The following AHI1 variants were observed in gnomAD, a reference collection of about 807,000 sequenced individuals.
The protein encoded by AHI1 is jouberin.
Under a neutral mutation model 149.3 loss-of-function variants are expected in AHI1, and 123 were observed. The ratio of observed to expected loss-of-function variants is 0.82; its 90% CI spans 0.71 to 0.96. The LOEUF is 0.96. Ranked by LOEUF, AHI1 falls within the 40% of genes least tolerant of loss-of-function variation. The pLI, the probability that AHI1 is intolerant of heterozygous loss-of-function variation, is 0.00. For missense variants in AHI1, 1,439 were observed against 1,422.7 expected, an observed-to-expected ratio of 1.01 and a Z score of -0.18; for synonymous variants, 475 against 459.8, an observed-to-expected ratio of 1.03 and a Z score of -0.42.
At chr6:135,465,652 A>G (rs752548456) in intron 7 of AHI1, among the ~76,000 whole-genome samples, 162 bp downstream of exon 7, 18 of 152,212 alleles carry the variant, frequency 1.2e-4, no homozygotes, top group Non-Finnish European at 2.2e-4. Flanking sequence ...CACCTAGTAC[A>G]TAGTAAGGTG....
intron 27 of AHI1, among the ~76,000 whole-genome samples, chr6:135,292,456 C>G (rs746446574): frequency 3.3e-5 from 5 of 152,152 alleles, no homozygotes; most frequent in Admixed American, 6.5e-5. Context: ...GTAGGAGGAA[C>G]CACATTTACC....
chr6:135,453,170 A>G (rs1179732461), intron 11 of AHI1, among the ~76,000 whole-genome samples, 171 bp downstream of exon 11: 4 of 152,206 alleles, frequency 2.6e-5, no homozygotes, highest in African/African-American at 9.6e-5. Context: ...CCATCAATAA[A>G]TATTTAAGAA....
chr6:135,322,010 C>T (rs896733889), intron 25 of AHI1, among the ~76,000 whole-genome samples: 3 of 152,174 alleles, frequency 2.0e-5, no homozygotes, highest in African/African-American at 7.2e-5. Context: ...GCCATGTTGG[C>T]CAGGCTGGTC....
At chr6:135,454,298 T>G (rs901261583) in intron 10 of AHI1, among the ~76,000 whole-genome samples, 3 of 152,138 alleles carry the variant, frequency 2.0e-5, no homozygotes, top group African/African-American at 7.2e-5. Context: ...ATTTCACAAA[T>G]TATTTTCATA....
intron 5 of AHI1, chr6:135,474,372 A>G (rs1024596639): frequency 8.6e-5 from 13 of 150,808 alleles, no homozygotes; most frequent in African/African-American, 3.1e-4. Flanking sequence ...TTGTGAATAC[A>G]CACAGTGACT....
chr6:135,474,776 C>A (rs1349817855), intron 5 of AHI1, among the ~76,000 whole-genome samples: 1 of 152,138 alleles, frequency 6.6e-6, no homozygotes, highest in Non-Finnish European at 1.5e-5. Flanking sequence ...TAAACTCCAG[C>A]TAGACATGGG....
Position 135,457,674 on chromosome 6 carries a change from T to C in AHI1, c.971A>G (p.His324Arg), listed in dbSNP as rs1789192683. The C allele has an allele frequency of 4.3e-6, 7 of 1,613,932 alleles. No individual in the cohort carries two copies. Among genetic ancestry groups the C allele is most frequent in the Middle Eastern group, 1.6e-4 (1 of 6,062 alleles). ...CGGGCTATCTCGGCTTGTTATTTCA[T>C]GAACACCATCACCATCAACATCTTC... is the stretch of plus-strand genomic sequence containing the variant. The part of the protein sequence containing the change: ...NNEDVDGDGV[H>R]EITSRDSPVY... The change falls in exon 9 of 29, where the codon CAT (histidine) becomes CGT (arginine). Residue 324 changes from histidine (H) to arginine (R), a missense_variant. By Grantham distance (29) the His-to-Arg change is conservative (BLOSUM62 0). Coordinates refer to ENST00000265602, the MANE Select transcript of AHI1 (RefSeq NM_001134831.2).
chr6:135,425,326 T>C (rs1783774962), intron 20 of AHI1, among the ~76,000 whole-genome samples: 1 of 151,960 alleles, frequency 6.6e-6, no homozygotes, highest in African/African-American at 2.4e-5. Context: ...TATGCATTTA[T>C]ATTCTAATAA....
intron 23 of AHI1, among the ~76,000 whole-genome samples, chr6:135,384,793 T>C (rs1264745401): frequency 6.6e-6 from 1 of 152,110 alleles, no homozygotes; most frequent in Non-Finnish European, 1.5e-5. Context: ...GATGTGGTTT[T>C]TAAAATGTAA....
Position 135,358,154 on chromosome 6 carries a change from T to C in AHI1, c.3143A>G (p.His1048Arg), listed in dbSNP as rs770568902. The change falls in exon 24 of 29, where the codon CAT becomes CGT. Residue 1048 changes from histidine (H) to arginine (R), a missense_variant. By Grantham distance (29) the His-to-Arg change is conservative. Transcript: ENST00000265602. Reference protein sequence around the residue: ...IISIERKPCNHQVDTAPTVVA... With the variant: ...IISIERKPCNRQVDTAPTVVA... ...TACCGTTGGTGCTGTATCTACCTGA[T>C]GGTTACAAGGCTTTCTTTCTATGCT... 6.2e-7 allele frequency: 1 copy of C among 1,613,340 alleles called. No individual in the cohort carries two copies. The highest frequency in any genetic ancestry group is 8.5e-7 in the Non-Finnish European group (1 of 1,179,578).
At chr6:135,494,637 T>C (rs1010688761) in intron 3 of AHI1, among the ~76,000 whole-genome samples, 5 of 152,198 alleles carry the variant, frequency 3.3e-5, no homozygotes, top group Non-Finnish European at 7.3e-5. Context: ...CTGTCACGTG[T>C]GTGTGTGTTT....
intron 23 of AHI1, 95 bp from the exon 24 acceptor site, chr6:135,358,282 T>G (rs1793305043): frequency 1.9e-6 from 2 of 1,057,516 alleles, no homozygotes; most frequent in African/African-American, 3.2e-5. Context: ...ACATTTATTA[T>G]GACTCACACA....
chr6:135,439,725 G>A lies in AHI1; in HGVS notation c.1913-1227C>T, dbSNP rs534634145. On this transcript the variant is annotated intron_variant, in intron 14 of 28. Transcript: ENST00000265602. ...TAGTGCATGGTAAGTGTTTTGTTAA[G>A]ATGGAAAAGATATAAATCTGTGGGT... is the stretch of plus-strand genomic sequence containing the variant. Among the ~76,000 whole-genome samples, 10 of 152,288 alleles carry A rather than the reference G, an allele frequency of 6.6e-5. 1 individual carries two copies. In the East Asian group the frequency reaches 9.7e-4, roughly 15 times the overall value.
At chr6:135,325,496 T>C (rs1390133391) in intron 24 of AHI1, among the ~76,000 whole-genome samples, 1 of 152,240 alleles carries the variant, frequency 6.6e-6, no homozygotes, top group Non-Finnish European at 1.5e-5. Context: ...GATACCATGC[T>C]AGCTGTTTAG....
At chr6:135,327,114 C>T (rs1291682149) in intron 24 of AHI1, among the ~76,000 whole-genome samples, 6 of 152,172 alleles carry the variant, frequency 3.9e-5, no homozygotes, top group Non-Finnish European at 5.9e-5. Context: ...CATACATATA[C>T]ATAACACACT....
intron 20 of AHI1, among the ~76,000 whole-genome samples, chr6:135,418,737 C>T (rs1482358860): frequency 1.3e-5 from 2 of 151,904 alleles, no homozygotes; most frequent in Non-Finnish European, 2.9e-5. Flanking sequence ...CCGTTTAATT[C>T]CTTTGTTCAA....
intron 20 of AHI1, among the ~76,000 whole-genome samples, chr6:135,412,118 G>GT (rs1426559734): frequency 4.0e-5 from 6 of 151,662 alleles, no homozygotes; most frequent in Non-Finnish European, 8.8e-5. Flanking sequence ...TTGGTCCACT[G>GT]TATCTGTGGC....
chr6:135,446,065 A>AG (rs1787160852), intron 13 of AHI1, among the ~76,000 whole-genome samples: 1 of 151,624 alleles, frequency 6.6e-6, no homozygotes, highest in Non-Finnish European at 1.5e-5. Context: ...CAAAAAAAAA[A>AG]CAAAAAGAGA....
At chr6:135,375,069 ATAT>A (rs1775701558) in intron 23 of AHI1, among the ~76,000 whole-genome samples, 1 of 152,220 alleles carries the variant, frequency 6.6e-6, no homozygotes, top group African/African-American at 2.4e-5. Flanking sequence ...CTTTTCTGAC[ATAT>A]TATGGGTTTA....
Sources: gnomAD v4.1 joint callset for allele counts (sites outside exome capture counted in the v4.1 genomes callset) on GRCh38, gnomAD v4.1.1 for gene constraint, MANE v1.5 for transcripts, NCBI Gene and HGNC (gene_info 2026-07-23, HGNC 2026-07-21) for gene names.